TSC1: variants seen among roughly 807,000 people sequenced by gnomAD.
TSC1 encodes hamartin.
TSC1 carries 20 observed loss-of-function variants against 124.3 expected under a neutral mutation model. The ratio of observed to expected loss-of-function variants is 0.16; its 90% CI spans 0.11 to 0.23. The LOEUF (loss-of-function observed/expected upper bound fraction) is 0.23. Among genes scored for constraint, TSC1 ranks in the 10% least tolerant of loss-of-function variants. TSC1 has a pLI of 1.00. For synonymous variants in TSC1, 493 were observed against 539.1 expected, an observed-to-expected ratio of 0.91 and a Z score of 1.19; for missense variants, 1,124 against 1,448.5, an observed-to-expected ratio of 0.78 and a Z score of 3.64.
chr9:132,944,557 C>T lies in TSC1; in HGVS notation c.-158G>A, dbSNP rs1417877872. The T allele has an allele frequency of 2.5e-6, 1 of 398,810 alleles. No individual in the cohort carries two copies. Among genetic ancestry groups the T allele is most frequent in the Non-Finnish European group, 4.4e-6 (1 of 226,218 alleles). 24.7% of individuals were successfully genotyped at this position (398,810 alleles called of 1,614,324 possible). On this transcript the variant is annotated 5_prime_UTR_variant, in exon 1 of 23. Transcript: ENST00000298552. ...CCCATACTCACCCACCGTCTCCTCC[C>T]CCTCAGCTGTTTACCTCACAGTCCC... is the stretch of plus-strand genomic sequence containing the variant.
chr9:132,906,670 C>T lies in TSC1; in HGVS notation c.1438+61G>A. 6.9e-7 allele frequency: 1 copy of T among 1,440,976 alleles called. No homozygotes were observed. The highest frequency in any genetic ancestry group is 2.4e-5 in the East Asian group (1 of 41,330). The allele number at this position is 1,440,976 out of a possible 1,614,324, so 89.3% of individuals were successfully genotyped here. On this transcript the variant is annotated intron_variant, in intron 14 of 22. Transcript: ENST00000298552. This position sits in a 1 kb window ranked among gnomAD's most constrained non-coding sequence, Gnocchi z 4.1. The stretch of plus-strand genomic sequence containing the variant: ...GCCTGTGAGCAATGGCACAAAATCC[C>T]AGATTTATAGCAGAGCGAGGGTCAG...
intron 8 of TSC1, among the ~76,000 whole-genome samples, chr9:132,919,199 T>C (rs1361472232): frequency 6.6e-6 from 1 of 152,188 alleles, no homozygotes; most frequent in Non-Finnish European, 1.5e-5. Context: ...GGTAAAGATG[T>C]GGTGGTATAA....
rs2131585819 is a variant in TSC1, at chr9:132,896,267, C to T, written c.3463G>A (p.Asp1155Asn). Residue 1155 changes from aspartate (D) to asparagine (N), a missense_variant, in exon 23 of 23, where the codon GAC becomes AAC. Asp to Asn is a conservative substitution (Grantham distance 23, BLOSUM62 1). Transcript: ENST00000298552. The surrounding 1 kb of genome is among the most constrained non-coding windows in gnomAD (Gnocchi z 4.5). The stretch of plus-strand genomic sequence containing the variant: ...TGTTCATGATGAGTCTCATTGTAGT[C>T]CATGATATGTAGCTGTCCAACACTG... Reference protein sequence around the residue: ...PDSVGQLHIMDYNETHHEHS With the variant: ...PDSVGQLHIMNYNETHHEHS 3 of 1,614,196 alleles carry T rather than the reference C, an allele frequency of 1.9e-6. No individual in the cohort carries two copies. The highest frequency in any genetic ancestry group is 2.5e-6 in the Non-Finnish European group (3 of 1,180,044).
At chr9:132,911,225 G>A in intron 10 of TSC1, 112 bp from the exon 11 acceptor site, 1 of 929,612 alleles carries the variant, frequency 1.1e-6, no homozygotes, top group South Asian at 1.3e-5. Flanking sequence ...TCTAGAAAAA[G>A]GCATCTTATT....
rs1846565959 is a variant in TSC1 at position 132,921,732 on chromosome 9, C to G, written c.663+87G>C. 7 of 1,549,874 alleles carry G rather than the reference C, an allele frequency of 4.5e-6. No homozygotes were observed. The highest frequency in any genetic ancestry group is 1.4e-5 in the African/African-American group (1 of 73,632). On this transcript the variant is annotated intron_variant, in intron 7 of 22. Coordinates refer to ENST00000298552, the MANE Select transcript of TSC1 (RefSeq NM_000368.5). The surrounding 1 kb of genome is among the most constrained non-coding windows in gnomAD (Gnocchi z 4.3). ...AAACTGAATTTCTTTTCAAAATTTC[C>G]CTGTCTGCCGTTAAATACAAAAGGT...
chr9:132,928,686 T>C (rs1847025446), intron 3 of TSC1, 81 bp downstream of exon 3: 12 of 1,572,552 alleles, frequency 7.6e-6, no homozygotes, highest in Admixed American at 1.8e-5. Context: ...AAAACTAAAA[T>C]GTATCAGCAG....
At chr9:132,933,942 C>A (rs907758468) in intron 2 of TSC1, among the ~76,000 whole-genome samples, 2 of 152,124 alleles carry the variant, frequency 1.3e-5, no homozygotes, top group African/African-American at 4.8e-5. Context: ...GAAGTATACA[C>A]AAAAACACTG....
intron 5 of TSC1, chr9:132,924,882 A>G (rs1327565142): frequency 2.6e-5 from 4 of 152,726 alleles, no homozygotes; most frequent in Non-Finnish European, 5.8e-5. Flanking sequence ...GTGCTGTAGC[A>G]GATGAATCCA....
rs1845095424 is a variant in TSC1, at chr9:132,896,806, T to C, written c.2976-52A>G. 1.9e-6 allele frequency: 3 copies of C among 1,612,742 alleles called. No individual in the cohort carries two copies. Among genetic ancestry groups the C allele is most frequent in the Non-Finnish European group, 2.5e-6 (3 of 1,179,840 alleles). ...GGAGCTGGTGATTGGACTGTCCACA[T>C]TCGGAGGATGTGGAATTACACTGAC... On this transcript the variant is annotated intron_variant, in intron 22 of 22. Coordinates refer to ENST00000298552, the MANE Select transcript of TSC1 (RefSeq NM_000368.5). The surrounding 1 kb of genome is among the most constrained non-coding windows in gnomAD (Gnocchi z 4.5).
At chr9:132,918,174 G>A (rs1030941895) in intron 8 of TSC1, among the ~76,000 whole-genome samples, 9 of 152,292 alleles carry the variant, frequency 5.9e-5, no homozygotes, top group Admixed American at 3.9e-4. Flanking sequence ...ACAAGGAGGA[G>A]AACAGGAGAG....
chr9:132,935,082 G>C lies in TSC1; in HGVS notation c.-130C>G, dbSNP rs2132391382. Reference sequence around the variant, plus strand: ...CAGTTTCCAGTGCTGTCAACCTGGTGTCTTTCATGGTCACTGAAGGAAGAA... The same window carrying C: ...CAGTTTCCAGTGCTGTCAACCTGGTCTCTTTCATGGTCACTGAAGGAAGAA... On this transcript the variant is annotated 5_prime_UTR_variant, in exon 2 of 23. Transcript: ENST00000298552. 2.5e-6 allele frequency: 1 copy of C among 399,056 alleles called. No homozygotes were observed. Among genetic ancestry groups the C allele is most frequent in the African/African-American group, 2.1e-5 (1 of 48,748 alleles). 24.7% of individuals were successfully genotyped at this position (399,056 alleles called of 1,614,324 possible).
In TSC1 at chr9:132,910,640, G is replaced by C. The variant is rs1060504861; in HGVS notation, c.1194C>G (p.Ala398=). 1 of 1,614,112 alleles carries C rather than the reference G, an allele frequency of 6.2e-7. No individual in the cohort carries two copies. Among genetic ancestry groups the C allele is most frequent in the East Asian group, 2.2e-5 (1 of 44,884 alleles). Residue 398 remains alanine (A), a synonymous_variant, in exon 12 of 23, where the codon GCC becomes GCG. Transcript: ENST00000298552. The part of the protein sequence containing the change: ...LGTPATSPPP[A]PLCHSDDYVH... Reference sequence around the variant, plus strand: ...CGTAGTCATCCGAATGACAGAGTGGGGCTGGAGGAGGAGAGGTTGCTGGGG... The same window carrying C: ...CGTAGTCATCCGAATGACAGAGTGGCGCTGGAGGAGGAGAGGTTGCTGGGG...
Position 132,921,300 on chromosome 9 carries a change from C to T in TSC1, c.737+63G>A. ...CCAAATATACCTCAACAGGGATTACCTCCTAGATCACATTTTCAATCTCTC... is the reference window on the plus strand; with the variant it reads ...CCAAATATACCTCAACAGGGATTACTTCCTAGATCACATTTTCAATCTCTC... On this transcript the variant is annotated intron_variant, in intron 8 of 22. Transcript: ENST00000298552. This position sits in a 1 kb window ranked among gnomAD's most constrained non-coding sequence, Gnocchi z 4.3. 1.9e-6 allele frequency: 3 copies of T among 1,545,146 alleles called. No individual in the cohort carries two copies. Among genetic ancestry groups the T allele is most frequent in the South Asian group, 2.2e-5 (2 of 88,984 alleles).
rs543948634 is a variant in TSC1 at position 132,933,697 on chromosome 9, C to T, written c.-81+1336G>A. ...GAGTAACCTAGCAGCCGGTAGTGCC[C>T]ACAAAGTATTTTTCCTATATTAAAA... On this transcript the variant is annotated intron_variant, in intron 2 of 22. Transcript: ENST00000298552. 2.0e-5 allele frequency among the ~76,000 whole-genome samples: 3 copies of T among 152,304 alleles called. No individual in the cohort carries two copies. The East Asian group carries it at 5.8e-4, about 29-fold the overall frequency.
chr9:132,901,862 G>A, intron 18 of TSC1, 163 bp from the exon 19 acceptor site: 2 of 633,414 alleles, frequency 3.2e-6, no homozygotes, highest in Non-Finnish European at 2.8e-6. Context: ...AGTAAGTTAT[G>A]GTTGATTTCT....
At chr9:132,904,637 A>G (rs560414317) in intron 15 of TSC1, among the ~76,000 whole-genome samples, 183 bp from the exon 16 acceptor site, 1 of 152,222 alleles carries the variant, frequency 6.6e-6, no homozygotes, top group Non-Finnish European at 1.5e-5. Context: ...ACACAATGGG[A>G]GGCGGCCCTC....
At position 132,921,790 on chromosome 9, in the gene TSC1, T is replaced by C. The variant is rs376472527; in HGVS notation, c.663+29A>G. ...CAGCCTATCTAAACAGTATACTAAG[T>C]AGCAAACAAACAAGCAGTTTCAATT... On this transcript the variant is annotated intron_variant, in intron 7 of 22. Transcript: ENST00000298552. This position sits in a 1 kb window ranked among gnomAD's most constrained non-coding sequence, Gnocchi z 4.3. The C allele has an allele frequency of 1.7e-4, 280 of 1,613,480 alleles. No homozygotes were observed. Among genetic ancestry groups the C allele is most frequent in the Non-Finnish European group, 2.2e-4 (255 of 1,179,686 alleles).
In TSC1 at chr9:132,923,459, C is replaced by G. The variant is rs118203381; in HGVS notation, c.397G>C (p.Val133Leu). The G allele has an allele frequency of 6.2e-7, 1 of 1,614,024 alleles. No homozygotes were observed. The highest frequency in any genetic ancestry group is 1.3e-5 in the African/African-American group (1 of 74,910). ...DTDVVVLTTG[V>L]LVLITMLPMI... ...GGTAGCATGGTTATCAACACCAAGA[C>G]GCCTGTTGTGAGGACAACGACGTCA... Residue 133 changes from valine (V) to leucine (L), a missense_variant, in exon 6 of 23, where the codon GTC becomes CTC. Coordinates refer to ENST00000298552, the MANE Select transcript of TSC1 (RefSeq NM_000368.5). This position sits in a 1 kb window ranked among gnomAD's most constrained non-coding sequence, Gnocchi z 4.2.
chr9:132,910,129 T>C (rs1429294541), intron 12 of TSC1: 9 of 252,506 alleles, frequency 3.6e-5, no homozygotes, highest in Non-Finnish European at 5.3e-5. Flanking sequence ...TGAGACCTCA[T>C]CTCCACCAAA....
Sources: gnomAD v4.1 joint callset for allele counts (sites outside exome capture counted in the v4.1 genomes callset) on GRCh38, gnomAD v4.1.1 for gene constraint, Gnocchi (gnomAD v3.1) non-coding constraint, MANE v1.5 for transcripts, NCBI Gene and HGNC (gene_info 2026-07-23, HGNC 2026-07-21) for gene names.